Variants in DCC observed in about 807,000 individuals in gnomAD.
DCC encodes the protein netrin receptor DCC.
A neutral mutation model predicts 172.5 loss-of-function variants in DCC; 58 were observed. The ratio of observed to expected loss-of-function variants is 0.34; its 90% CI spans 0.27 to 0.42. The LOEUF (loss-of-function observed/expected upper bound fraction) is 0.42. Ranked by LOEUF, DCC falls within the 10% of genes least tolerant of loss-of-function variation. The pLI, the probability that DCC is intolerant of heterozygous loss-of-function variation, is 1.00. For missense variants in DCC, 1,740 were observed against 1,791.0 expected, an observed-to-expected ratio of 0.97 and a Z score of 0.51; for synonymous variants, 709 against 644.5, an observed-to-expected ratio of 1.10 and a Z score of -1.52.
chr18:52,611,324 T>A (rs1327143481), intron 1 of DCC, among the ~76,000 whole-genome samples: 1 of 152,204 alleles, frequency 6.6e-6, no homozygotes, highest in Non-Finnish European at 1.5e-5. Context: ...CTAGTAGAAA[T>A]CTTTATAGCC....
At chr18:53,282,467 T>G (rs546843197) in intron 12 of DCC, among the ~76,000 whole-genome samples, 3 of 152,190 alleles carry the variant, frequency 2.0e-5, no homozygotes. Flanking sequence ...TTTAGAAAAT[T>G]AATGATTTGT....
chr18:53,417,211 G>A (rs1862349042), intron 21 of DCC, among the ~76,000 whole-genome samples: 1 of 152,194 alleles, frequency 6.6e-6, no homozygotes, highest in Non-Finnish European at 1.5e-5. Flanking sequence ...CTCCCTGACA[G>A]CAGAATGCTT....
At chr18:52,713,831 T>C (rs562380967) in intron 1 of DCC, among the ~76,000 whole-genome samples, 2 of 152,182 alleles carry the variant, frequency 1.3e-5, no homozygotes, top group Non-Finnish European at 2.9e-5. Flanking sequence ...AGCACTTGGT[T>C]CTTGCCGGCC....
intron 1 of DCC, among the ~76,000 whole-genome samples, chr18:52,401,415 C>T (rs868836570): frequency 4.6e-5 from 7 of 152,004 alleles, no homozygotes; most frequent in Admixed American, 2.6e-4. Flanking sequence ...AAGGACAGAA[C>T]AAAATTCATA....
intron 2 of DCC, among the ~76,000 whole-genome samples, chr18:52,771,454 G>T (rs1293213201): frequency 6.6e-6 from 1 of 152,102 alleles, no homozygotes; most frequent in Admixed American, 6.5e-5. Context: ...CAGAGGCTGG[G>T]GATGCTCTCA....
chr18:52,532,141 A>G (rs75166447), intron 1 of DCC, among the ~76,000 whole-genome samples: 7,352 of 152,238 alleles, frequency 0.048, 223 homozygotes, highest in Non-Finnish European at 0.059. Context: ...AGGACTGTGT[A>G]CAGAACTTAT....
At position 53,475,583 on chromosome 18, in the gene DCC, C is replaced by T. The variant is rs143327217; in HGVS notation, c.3736+7573C>T. 5.9e-5 allele frequency among the ~76,000 whole-genome samples: 9 copies of T among 152,310 alleles called. No individual in the cohort carries two copies. The East Asian group carries it at 1.7e-3, about 29-fold the overall frequency. On this transcript the variant is annotated intron_variant, in intron 25 of 28. Coordinates refer to ENST00000442544, the MANE Select transcript of DCC (RefSeq NM_005215.4). ...TTGTGGTGTTGAGCCTTCCAGTGCA[C>T]AGAAGTCAAGAACTGGGGTTTGGGA...
intron 1 of DCC, among the ~76,000 whole-genome samples, chr18:52,564,894 G>T (rs1354251558): frequency 6.6e-6 from 1 of 151,994 alleles, no homozygotes; most frequent in Non-Finnish European, 1.5e-5. Context: ...CATCAAAATG[G>T]GTACCTAGAG....
At chr18:53,147,254 C>T (rs1319576280) in intron 7 of DCC, among the ~76,000 whole-genome samples, 1 of 152,132 alleles carries the variant, frequency 6.6e-6, no homozygotes, top group Non-Finnish European at 1.5e-5. Flanking sequence ...GTTGCAAGTA[C>T]ATGCTCACCG....
At chr18:52,715,277 C>A (rs1266817078) in intron 1 of DCC, among the ~76,000 whole-genome samples, 1 of 132,106 alleles carries the variant, frequency 7.6e-6, no homozygotes, top group Non-Finnish European at 1.6e-5. Flanking sequence ...TAAAAAAAAA[C>A]ACTACATTTT....
chr18:53,467,964 C>T lies in DCC; in HGVS notation c.3690C>T (p.Pro1230=). 1 of 1,612,356 alleles carries T rather than the reference C, an allele frequency of 6.2e-7. No homozygotes were observed. Among genetic ancestry groups the T allele is most frequent in the South Asian group, 1.1e-5 (1 of 91,050 alleles). ...GGTCGCTGGCTGCACGCCGAGCCCC[C>T]CGGGCCAAGCTCATGATTCCCATGG... ...LERSLAARRA[P]RAKLMIPMDA... Residue 1230 remains proline, a synonymous_variant, in exon 25 of 29, where the codon CCC becomes CCT. Coordinates refer to ENST00000442544, the MANE Select transcript of DCC (RefSeq NM_005215.4).
At chr18:53,315,578 A>G (rs1049566238) in intron 13 of DCC, among the ~76,000 whole-genome samples, 3 of 152,176 alleles carry the variant, frequency 2.0e-5, no homozygotes, top group Non-Finnish European at 4.4e-5. Context: ...CACTCCCACC[A>G]ACAGTGTAAA....
intron 1 of DCC, among the ~76,000 whole-genome samples, chr18:52,559,552 A>G (rs2032991406): frequency 6.6e-6 from 1 of 152,206 alleles, no homozygotes; most frequent in Non-Finnish European, 1.5e-5. Flanking sequence ...TGCACAAAAG[A>G]ATCAAAATCG....
At chr18:53,387,545 C>G (rs945639201) in intron 16 of DCC, among the ~76,000 whole-genome samples, 5 of 152,176 alleles carry the variant, frequency 3.3e-5, no homozygotes, top group African/African-American at 9.6e-5. Flanking sequence ...TATTTACTAT[C>G]AAACGTGTTA....
At chr18:52,378,602 A>G (rs1378615531) in intron 1 of DCC, among the ~76,000 whole-genome samples, 1 of 152,084 alleles carries the variant, frequency 6.6e-6, no homozygotes, top group African/African-American at 2.4e-5. Context: ...GCTGGAGTGC[A>G]TTTGTAGAGT....
intron 1 of DCC, among the ~76,000 whole-genome samples, chr18:52,690,007 TATTC>T (rs1237751397): frequency 2.6e-5 from 4 of 152,140 alleles, no homozygotes; most frequent in African/African-American, 9.7e-5. Flanking sequence ...AAATGTGACA[TATTC>T]ATTCAGTCAG....
intron 5 of DCC, among the ~76,000 whole-genome samples, chr18:53,025,270 C>T (rs964151154): frequency 4.0e-5 from 6 of 151,826 alleles, no homozygotes; most frequent in South Asian, 2.1e-4. Context: ...GCTGGAAGAT[C>T]GAAAAGATTT....
At chr18:52,673,965 C>T (rs1465193745) in intron 1 of DCC, among the ~76,000 whole-genome samples, 3 of 152,178 alleles carry the variant, frequency 2.0e-5, no homozygotes, top group Non-Finnish European at 4.4e-5. Flanking sequence ...GAGCATATCT[C>T]ACCTATGGTC....
chr18:52,789,305 G>A (rs1321667002), intron 2 of DCC, among the ~76,000 whole-genome samples: 5 of 151,978 alleles, frequency 3.3e-5, no homozygotes, highest in African/African-American at 7.3e-5. Flanking sequence ...TTTTTCCCAA[G>A]GAGTTCCAGG....
Sources: allele counts gnomAD v4.1 joint callset (sites outside exome capture counted in the v4.1 genomes callset), GRCh38; gene constraint gnomAD v4.1.1; transcripts MANE v1.5; gene names NCBI Gene and HGNC (gene_info 2026-07-23, HGNC 2026-07-21).